Variants in GAS2 observed in about 807,000 individuals in gnomAD.
The protein encoded by GAS2 is growth arrest-specific protein 2.
In GAS2, 20 loss-of-function variants were observed where a neutral mutation model predicts 37.5. That is an observed-to-expected ratio of 0.53 (90% CI 0.37 to 0.77). The LOEUF (loss-of-function observed/expected upper bound fraction) is 0.77. Ranked by LOEUF, GAS2 falls within the 30% of genes least tolerant of loss-of-function variation. GAS2 has a pLI of 0.00. For synonymous variants in GAS2, 144 were observed against 132.2 expected (o/e 1.09, Z -0.61); for missense variants, 336 against 373.4 (o/e 0.90, Z 0.82).
At chr11:22,627,485 C>T (rs766758287) in intron 1 of GAS2, among the ~76,000 whole-genome samples, 1 of 152,078 alleles carries the variant, frequency 6.6e-6, no homozygotes, top group Non-Finnish European at 1.5e-5. Context: ...CTTTTCAGGC[C>T]GGAGGCAGTG....
At chr11:22,762,031 A>T (rs1317583724) in intron 7 of GAS2, among the ~76,000 whole-genome samples, 1 of 152,130 alleles carries the variant, frequency 6.6e-6, no homozygotes, top group East Asian at 1.9e-4. Flanking sequence ...TTTATCCCCC[A>T]GAGCATCTTC....
At chr11:22,716,888 C>T (rs543581902) in intron 3 of GAS2, among the ~76,000 whole-genome samples, 1 of 152,224 alleles carries the variant, frequency 6.6e-6, no homozygotes, top group East Asian at 1.9e-4. Context: ...AACTCAACCC[C>T]TTTTACAGTA....
At chr11:22,709,219 A>G (rs1565100945) in intron 3 of GAS2, among the ~76,000 whole-genome samples, 1 of 89,182 alleles carries the variant, frequency 1.1e-5, no homozygotes, top group Non-Finnish European at 3.5e-5. Context: ...GAAAAAAAAA[A>G]ACCACAGAAG....
chr11:22,786,207 T>A (rs190951924), intron 7 of GAS2, among the ~76,000 whole-genome samples: 1 of 152,116 alleles, frequency 6.6e-6, no homozygotes, highest in South Asian at 2.1e-4. Context: ...TTTTTGAAAA[T>A]AGATTTACAT....
At position 22,652,557 on chromosome 11, in the gene GAS2, A is replaced by G. The variant is rs61889427; in HGVS notation, c.-20-22293A>G. Among the ~76,000 whole-genome samples the G allele has an allele frequency of 7.1e-3, 1,080 of 152,238 alleles. 10 individuals carry two copies. Among genetic ancestry groups the G allele is most frequent in the African/African-American group, 0.024 (1,016 of 41,546 alleles). On this transcript the variant is annotated intron_variant, in intron 1 of 5. Coordinates refer to the GAS2 transcript ENST00000528582. Reference sequence around the variant, plus strand: ...TTGCAGTTTGATCTCAGACTGCTGTACTAGCAATCAGCGAGACTCCGTGGG... The same window carrying G: ...TTGCAGTTTGATCTCAGACTGCTGTGCTAGCAATCAGCGAGACTCCGTGGG...
At chr11:22,649,312 G>A (rs890018675) in intron 1 of GAS2, among the ~76,000 whole-genome samples, 26 of 151,722 alleles carry the variant, frequency 1.7e-4, no homozygotes, top group African/African-American at 3.1e-4. Context: ...TGCTGGATTC[G>A]GTTTGCCAGT....
intron 7 of GAS2, among the ~76,000 whole-genome samples, chr11:22,767,039 A>C (rs1854732047): frequency 6.6e-6 from 1 of 152,168 alleles, no homozygotes; most frequent in African/African-American, 2.4e-5. Context: ...AGTAATTTTT[A>C]CATAACATTT....
chr11:22,682,869 T>TGA (rs1554969014), intron 2 of GAS2, among the ~76,000 whole-genome samples: 44 of 78,954 alleles, frequency 5.6e-4, no homozygotes, highest in African/African-American at 2.5e-3. Context: ...CACTTTCTGC[T>TGA]AAAAAAAAAA....
intron 1 of GAS2, among the ~76,000 whole-genome samples, chr11:22,643,614 A>G (rs1319100437): frequency 6.6e-6 from 1 of 152,088 alleles, no homozygotes; most frequent in Non-Finnish European, 1.5e-5. Context: ...TACTAAGCAG[A>G]TATTTGAACT....
chr11:22,769,324 T>C (rs1413742736), intron 7 of GAS2, among the ~76,000 whole-genome samples: 1 of 152,192 alleles, frequency 6.6e-6, no homozygotes. Context: ...GAATAACATG[T>C]CCAACCTTGA....
intron 3 of GAS2, chr11:22,702,515 C>A (rs1850896553): frequency 6.6e-6 from 1 of 152,140 alleles, no homozygotes; most frequent in Non-Finnish European, 1.5e-5. Context: ...TTGTAAAAAG[C>A]ACTCATGTTT....
chr11:22,650,860 G>T (rs1232467749), intron 1 of GAS2, among the ~76,000 whole-genome samples: 1 of 151,428 alleles, frequency 6.6e-6, no homozygotes, highest in African/African-American at 2.4e-5. Context: ...GATGGATCTT[G>T]ACTCTTTATC....
At chr11:22,806,212 G>A (rs1487788258) in intron 7 of GAS2, among the ~76,000 whole-genome samples, 1 of 151,950 alleles carries the variant, frequency 6.6e-6, no homozygotes, top group Non-Finnish European at 1.5e-5. Flanking sequence ...ATCTTTCTGT[G>A]CCTGGCTTCT....
intron 7 of GAS2, among the ~76,000 whole-genome samples, chr11:22,759,219 C>T (rs1854233923): frequency 6.6e-6 from 1 of 152,192 alleles, no homozygotes; most frequent in African/African-American, 2.4e-5. Context: ...AATATCTTTA[C>T]TAAGCATATG....
chr11:22,655,963 G>C (rs865839677), intron 1 of GAS2, among the ~76,000 whole-genome samples: 2 of 152,172 alleles, frequency 1.3e-5, no homozygotes, highest in African/African-American at 4.8e-5. Flanking sequence ...TGTTCTTAGT[G>C]GGTCATACGT....
chr11:22,656,260 C>T (rs1311258241), intron 1 of GAS2, among the ~76,000 whole-genome samples: 1 of 152,176 alleles, frequency 6.6e-6, no homozygotes, highest in African/African-American at 2.4e-5. Flanking sequence ...TTCATCATCT[C>T]CTTCTGAGTT....
At chr11:22,745,118 CAAAAA>C (rs142582542) in intron 5 of GAS2, among the ~76,000 whole-genome samples, 4 of 129,026 alleles carry the variant, frequency 3.1e-5, no homozygotes, top group African/African-American at 5.8e-5. Flanking sequence ...CATTTGGAAC[CAAAAA>C]AAAAAAAAAA....
intron 7 of GAS2, among the ~76,000 whole-genome samples, chr11:22,756,828 A>T (rs1299186973): frequency 2.2e-4 from 33 of 152,126 alleles, no homozygotes; most frequent in Admixed American, 2.2e-3. Flanking sequence ...TTATTATTGG[A>T]GTATGAGACA....
At chr11:22,779,591 G>C (rs1359636327) in intron 7 of GAS2, among the ~76,000 whole-genome samples, 1 of 152,036 alleles carries the variant, frequency 6.6e-6, no homozygotes, top group African/African-American at 2.4e-5. Flanking sequence ...CCAGCTACTT[G>C]GGAGGCTGAG....
Sources: allele counts gnomAD v4.1 joint callset (sites outside exome capture counted in the v4.1 genomes callset), GRCh38; gene constraint gnomAD v4.1.1; transcripts MANE v1.5; gene names NCBI Gene and HGNC (gene_info 2026-07-23, HGNC 2026-07-21).